Variants in PCCA observed in about 807,000 individuals in gnomAD.
The protein encoded by PCCA is propionyl-CoA carboxylase alpha chain, mitochondrial.
In PCCA, 74 loss-of-function variants were observed where a neutral mutation model predicts 101.3. That is an observed-to-expected ratio of 0.73 (90% CI 0.61 to 0.89). The LOEUF (loss-of-function observed/expected upper bound fraction) is 0.89. PCCA is among the 40% of genes least tolerant of loss of function. PCCA has a pLI of 0.00. For missense variants in PCCA, 891 were observed against 907.0 expected, an observed-to-expected ratio of 0.98 and a Z score of 0.23; for synonymous variants, 294 against 313.6, an observed-to-expected ratio of 0.94 and a Z score of 0.66.
intron 12 of PCCA, among the ~76,000 whole-genome samples, chr13:100,278,213 T>A (rs1176649897): frequency 1.3e-5 from 2 of 152,214 alleles, no homozygotes; most frequent in Non-Finnish European, 2.9e-5. Context: ...AGTGAAGACT[T>A]TATTTTGTCA....
intron 6 of PCCA, among the ~76,000 whole-genome samples, chr13:100,173,105 A>G (rs2055868761): frequency 6.6e-6 from 1 of 152,196 alleles, no homozygotes; most frequent in South Asian, 2.1e-4. Context: ...GGGACTATAT[A>G]AAGAGCTGTC....
At chr13:100,294,709 T>C (rs2065389881) in intron 12 of PCCA, among the ~76,000 whole-genome samples, 1 of 152,228 alleles carries the variant, frequency 6.6e-6, no homozygotes, top group Non-Finnish European at 1.5e-5. Context: ...TTAGTGCTGT[T>C]GGACTATTTA....
chr13:100,365,835 C>T (rs1008094925), intron 18 of PCCA, among the ~76,000 whole-genome samples: 2 of 151,626 alleles, frequency 1.3e-5, no homozygotes, highest in African/African-American at 4.9e-5. Flanking sequence ...TTTATACATA[C>T]ATAAGGAAAC....
chr13:100,287,606 G>A (rs1402172817), intron 12 of PCCA, among the ~76,000 whole-genome samples: 2 of 151,766 alleles, frequency 1.3e-5, no homozygotes, highest in East Asian at 1.9e-4. Context: ...ATTTAATCCC[G>A]CTGTCTTTAC....
chr13:100,418,592 G>A (rs1269553922), intron 19 of PCCA, among the ~76,000 whole-genome samples: 1 of 152,134 alleles, frequency 6.6e-6, no homozygotes, highest in Non-Finnish European at 1.5e-5. Context: ...TGTAATCGCA[G>A]CACTTTGGGA....
chr13:100,208,117 G>T (rs780692622), intron 6 of PCCA, among the ~76,000 whole-genome samples: 7 of 152,144 alleles, frequency 4.6e-5, no homozygotes, highest in African/African-American at 1.7e-4. Flanking sequence ...GCAGAGGCCT[G>T]TCAGCTCAGC....
At chr13:100,230,210 G>C (rs2060382978) in intron 7 of PCCA, among the ~76,000 whole-genome samples, 2 of 152,158 alleles carry the variant, frequency 1.3e-5, no homozygotes, top group South Asian at 4.1e-4. Context: ...ATGTGGCAAT[G>C]ATACCTAGCC....
At chr13:100,491,684 C>A (rs989449095) in intron 21 of PCCA, 1 of 1,304,026 alleles carries the variant, frequency 7.7e-7, no homozygotes, top group Non-Finnish European at 1.0e-6. Context: ...CTGTGAGAAG[C>A]TTGGCAGAAG....
chr13:100,472,864 T>C (rs1271362475), intron 21 of PCCA, among the ~76,000 whole-genome samples: 2 of 144,664 alleles, frequency 1.4e-5, no homozygotes, highest in East Asian at 4.1e-4. Flanking sequence ...TGTTAAAGTA[T>C]CATAAGATAA....
At chr13:100,449,150 C>T in intron 20 of PCCA, 102 bp from the exon 21 acceptor site, 1 of 649,586 alleles carries the variant, frequency 1.5e-6, no homozygotes, top group Non-Finnish European at 2.8e-6. Context: ...TTTGTTTACC[C>T]ATCCATCAGT....
chr13:100,469,815 AG>A (rs1162000066), intron 21 of PCCA, among the ~76,000 whole-genome samples: 1 of 152,110 alleles, frequency 6.6e-6, no homozygotes, highest in Non-Finnish European at 1.5e-5. Flanking sequence ...AAACAAAAAA[AG>A]TTTGATGGCG....
chr13:100,093,800 G>T (rs1191084806), intron 1 of PCCA, among the ~76,000 whole-genome samples: 1 of 152,142 alleles, frequency 6.6e-6, no homozygotes, highest in Non-Finnish European at 1.5e-5. Context: ...TTAGCTGGGT[G>T]TGGTGGCACG....
At chr13:100,396,135 A>G (rs2077036269) in intron 19 of PCCA, among the ~76,000 whole-genome samples, 1 of 152,224 alleles carries the variant, frequency 6.6e-6, no homozygotes, top group African/African-American at 2.4e-5. Context: ...CCAGTTGTGT[A>G]AAGTTGGAAA....
chr13:100,376,607 C>T (rs545474233), intron 19 of PCCA, among the ~76,000 whole-genome samples: 3 of 152,302 alleles, frequency 2.0e-5, no homozygotes, highest in Admixed American at 2.0e-4. Flanking sequence ...GCTGCCATGG[C>T]TTTGTTTATT....
Position 100,214,414 on chromosome 13 carries a change from T to TG in PCCA, c.600+4951_600+4952insG, listed in dbSNP as rs2059396832. On this transcript the variant is annotated intron_variant, in intron 7 of 23. Coordinates refer to ENST00000376285, the MANE Select transcript of PCCA (RefSeq NM_000282.4). ...CGCATCAACGTTTTATAGTTGTTTT[T>TG]TTGTGTGTGTGTGTGTGTGTTTTTT... 2.6e-5 allele frequency among the ~76,000 whole-genome samples: 4 copies of TG among 151,724 alleles called. No individual in the cohort carries two copies. The South Asian group carries it at 6.3e-4, about 24-fold the overall frequency.
At chr13:100,180,603 G>A (rs1390704396) in intron 6 of PCCA, among the ~76,000 whole-genome samples, 2 of 152,152 alleles carry the variant, frequency 1.3e-5, no homozygotes, top group South Asian at 4.1e-4. Context: ...TATGTATGTG[G>A]TATTCCAGTT....
rs2081045377 is a variant in PCCA at position 100,449,154 on chromosome 13, CATCAGTTG to C, written c.1846-95_1846-88del. On this transcript the variant is annotated intron_variant, in intron 20 of 23. Coordinates refer to ENST00000376285, the MANE Select transcript of PCCA (RefSeq NM_000282.4). ...CTATACTATATTTTGTTTACCCATC[CATCAGTTG>C]ATGGACATTTGGGTTTTTTGGCTAT... The C allele has an allele frequency of 4.8e-5, 32 of 668,026 alleles. No homozygotes were observed. The South Asian group carries it at 5.9e-4, about 12-fold the overall frequency. The allele number at this position is 668,026 out of a possible 1,614,324, so 41.4% of individuals were successfully genotyped here. A position where few individuals can be genotyped will look rare whatever the true frequency, so the allele number is the denominator to read the frequency against.
At chr13:100,412,028 G>C (rs12429310) in intron 19 of PCCA, among the ~76,000 whole-genome samples, 1 of 152,192 alleles carries the variant, frequency 6.6e-6, no homozygotes, top group African/African-American at 2.4e-5. Flanking sequence ...ACCTAAATTA[G>C]ATCTTAGACA....
intron 4 of PCCA, among the ~76,000 whole-genome samples, chr13:100,135,111 T>C (rs2051002420): frequency 6.6e-6 from 1 of 151,622 alleles, no homozygotes; most frequent in Admixed American, 6.6e-5. Context: ...TTGTATTGTT[T>C]GGCCAGGCGT....
Sources: gnomAD v4.1 joint callset for allele counts (sites outside exome capture counted in the v4.1 genomes callset) on GRCh38, gnomAD v4.1.1 for gene constraint, MANE v1.5 for transcripts, NCBI Gene and HGNC (gene_info 2026-07-23, HGNC 2026-07-21) for gene names.